C3orf20: variants seen among roughly 807,000 people sequenced by gnomAD.
The protein encoded by C3orf20 is uncharacterized protein C3orf20.
C3orf20 carries 76 observed loss-of-function variants against 88.3 expected under a neutral mutation model. That is an observed-to-expected ratio of 0.86 (90% confidence interval 0.72 to 1.04). C3orf20 has a LOEUF of 1.04. Ranked by LOEUF, C3orf20 falls within the 50% of genes least tolerant of loss-of-function variation. The pLI, the probability that C3orf20 is intolerant of heterozygous loss-of-function variation, is 0.00. For missense variants in C3orf20, 1,056 were observed against 1,123.3 expected (o/e 0.94, Z 0.86); for synonymous variants, 436 against 437.4 (o/e 1.00, Z 0.04).
At chr3:14,705,905 C>T (rs9811756) in intron 7 of C3orf20, among the ~76,000 whole-genome samples, 23,941 of 152,128 alleles carry the variant, frequency 0.16, 2,153 homozygotes, top group Non-Finnish European at 0.2. Flanking sequence ...TTCATGGCCT[C>T]CTTACCTCAA....
intron 12 of C3orf20, among the ~76,000 whole-genome samples, chr3:14,750,219 T>G (rs1412558231): frequency 2.0e-5 from 3 of 152,200 alleles, no homozygotes; most frequent in Non-Finnish European, 4.4e-5. Context: ...TCTTACTTTC[T>G]CCTTCATTTT....
At chr3:14,729,225 G>A (rs910806288) in intron 12 of C3orf20, among the ~76,000 whole-genome samples, 2 of 152,216 alleles carry the variant, frequency 1.3e-5, no homozygotes, top group Admixed American at 1.3e-4. Context: ...CTGGAAAGTG[G>A]TGTGGGATGG....
intron 15 of C3orf20, among the ~76,000 whole-genome samples, chr3:14,762,788 C>T (rs1416854689): frequency 6.6e-6 from 1 of 151,492 alleles, no homozygotes; most frequent in Non-Finnish European, 1.5e-5. Context: ...CCCCTACTCC[C>T]ACACAGGACC....
chr3:14,749,815 C>A (rs1436781400), intron 12 of C3orf20, among the ~76,000 whole-genome samples: 2 of 151,624 alleles, frequency 1.3e-5, no homozygotes, highest in African/African-American at 2.4e-5. Context: ...GTGTAACAAT[C>A]TAGTTTGAAT....
intron 7 of C3orf20, among the ~76,000 whole-genome samples, chr3:14,705,901 G>T (rs894658768): frequency 6.6e-6 from 1 of 152,268 alleles, no homozygotes; most frequent in Non-Finnish European, 1.5e-5. Context: ...TTGGTTCATG[G>T]CCTCCTTACC....
intron 12 of C3orf20, among the ~76,000 whole-genome samples, chr3:14,737,286 C>G (rs1035864243): frequency 6.6e-5 from 10 of 151,924 alleles, no homozygotes; most frequent in African/African-American, 2.4e-4. Flanking sequence ...TCCACTTTCT[C>G]TTTCTTTTCT....
chr3:14,724,887 CTG>C (rs2034295232), intron 10 of C3orf20, among the ~76,000 whole-genome samples: 1 of 152,082 alleles, frequency 6.6e-6, no homozygotes, highest in African/African-American at 2.4e-5. Flanking sequence ...CAGTAGAAGA[CTG>C]AGAGGTTATT....
chr3:14,675,517 A>AC (rs11404249), intron 1 of C3orf20, among the ~76,000 whole-genome samples: 152,090 of 152,228 alleles, frequency 1, 75,976 homozygotes, highest in Middle Eastern at 1. Flanking sequence ...AAAAGCTGTC[A>AC]CCTGGCCTAT....
intron 12 of C3orf20, among the ~76,000 whole-genome samples, chr3:14,756,695 G>A (rs1262586856): frequency 2.6e-5 from 4 of 152,198 alleles, no homozygotes; most frequent in Non-Finnish European, 5.9e-5. Context: ...ACAAGTGGAG[G>A]CCAGTGTGGC....
At chr3:14,746,855 T>TA (rs1182250409) in intron 12 of C3orf20, among the ~76,000 whole-genome samples, 2 of 152,226 alleles carry the variant, frequency 1.3e-5, no homozygotes, top group African/African-American at 2.4e-5. Flanking sequence ...TTACAAATAT[T>TA]AGACAGACAA....
At chr3:14,686,989 A>G (rs1258409290) in intron 4 of C3orf20, among the ~76,000 whole-genome samples, 3 of 152,246 alleles carry the variant, frequency 2.0e-5, no homozygotes, top group African/African-American at 4.8e-5. Flanking sequence ...CATGAAGTCA[A>G]TGAAAGTGAT....
intron 12 of C3orf20, among the ~76,000 whole-genome samples, chr3:14,745,971 T>C (rs557615074): frequency 3.7e-4 from 57 of 152,342 alleles, no homozygotes; most frequent in African/African-American, 1.1e-3. Flanking sequence ...AAGGAAACTT[T>C]GTACCCATTA....
chr3:14,741,358 G>T (rs989111703), intron 12 of C3orf20, among the ~76,000 whole-genome samples: 3 of 152,076 alleles, frequency 2.0e-5, no homozygotes, highest in Admixed American at 1.3e-4. Context: ...TGGCTTCTCT[G>T]CCTGTCATCC....
At chr3:14,753,954 T>A (rs1283807998) in intron 12 of C3orf20, among the ~76,000 whole-genome samples, 1 of 152,268 alleles carries the variant, frequency 6.6e-6, no homozygotes, top group Non-Finnish European at 1.5e-5. Flanking sequence ...TTAGTCAGGC[T>A]GTTCACACCA....
chr3:14,738,438 C>T (rs1005537072), intron 12 of C3orf20, among the ~76,000 whole-genome samples: 5 of 151,734 alleles, frequency 3.3e-5, no homozygotes, highest in Non-Finnish European at 7.4e-5. Context: ...ATGCCATTCT[C>T]CTGCCTCAGC....
chr3:14,731,083 A>G (rs1474624866), intron 12 of C3orf20, among the ~76,000 whole-genome samples: 7 of 152,132 alleles, frequency 4.6e-5, no homozygotes, highest in Non-Finnish European at 8.8e-5. Flanking sequence ...ATGCAGGACG[A>G]TTCCATCACC....
chr3:14,704,201 G>A (rs777915150), intron 6 of C3orf20, 136 bp from the exon 7 acceptor site: 40 of 861,156 alleles, frequency 4.6e-5, no homozygotes, highest in Admixed American at 8.3e-5. Flanking sequence ...GGACGAGGGA[G>A]CATGGGTTGG....
At chr3:14,763,233 A>G (rs914546809) in intron 15 of C3orf20, among the ~76,000 whole-genome samples, 5 of 152,172 alleles carry the variant, frequency 3.3e-5, no homozygotes, top group African/African-American at 4.8e-5. Context: ...CTAGCCTGCT[A>G]TGGTGCATGG....
chr3:14,743,158 G>A (rs2034963818), intron 12 of C3orf20, among the ~76,000 whole-genome samples: 1 of 151,960 alleles, frequency 6.6e-6, no homozygotes, highest in Admixed American at 6.6e-5. Context: ...CCTTCCGCCT[G>A]TGAGCCTTTA....
Sources: gnomAD v4.1 joint callset for allele counts (sites outside exome capture counted in the v4.1 genomes callset) on GRCh38, gnomAD v4.1.1 for gene constraint, MANE v1.5 for transcripts, NCBI Gene and HGNC (gene_info 2026-07-23, HGNC 2026-07-21) for gene names.